The following COL10A1 variants were observed in gnomAD, a reference collection of about 807,000 sequenced individuals.
The protein encoded by COL10A1 is collagen alpha-1(X) chain.
In COL10A1, 10 loss-of-function variants were observed where a neutral mutation model predicts 18.2. That is an observed-to-expected ratio of 0.55 (90% confidence interval 0.34 to 0.93). COL10A1 has a LOEUF of 0.93. COL10A1 is among the 40% of genes least tolerant of loss of function. The probability of loss-of-function intolerance (pLI) is 0.02; values close to 1 mark genes in which losing one functional copy is unlikely to be tolerated. For missense variants in COL10A1, 897 were observed against 853.5 expected (o/e 1.05, Z -0.64); for synonymous variants, 330 against 316.6 (o/e 1.04, Z -0.45).
chr6:116,130,578 G>T (rs1779434532), upstream of COL10A1, among the ~76,000 whole-genome samples: 1 of 152,094 alleles, frequency 6.6e-6, no homozygotes, highest in Non-Finnish European at 1.5e-5. Context: ...GTGCCTGGAT[G>T]TCTGGGTCCT....
chr6:116,165,857 T>C, the COL10A1 span, among the ~76,000 whole-genome samples: 1 of 152,192 alleles, frequency 6.6e-6, no homozygotes, highest in African/African-American at 2.4e-5. Flanking sequence ...AGGGTACTGG[T>C]GATTGCAACA....
upstream of COL10A1, among the ~76,000 whole-genome samples, chr6:116,131,047 T>C (rs1475614546): frequency 6.6e-6 from 1 of 152,202 alleles, no homozygotes; most frequent in East Asian, 1.9e-4. Context: ...TTATGAATGC[T>C]CTTTTTAAAT....
chr6:116,169,857 G>A, the COL10A1 span, among the ~76,000 whole-genome samples: 2 of 152,182 alleles, frequency 1.3e-5, no homozygotes, highest in Non-Finnish European at 2.9e-5. Flanking sequence ...CTCAGATTGA[G>A]CAAGTGATAA....
intron 1 of COL10A1, among the ~76,000 whole-genome samples, chr6:116,139,971 G>GACAC (rs1779723661): frequency 6.6e-6 from 1 of 152,060 alleles, no homozygotes; most frequent in Non-Finnish European, 1.5e-5. Context: ...CCATGTGTCA[G>GACAC]GTGTTTTGCT....
the COL10A1 span, among the ~76,000 whole-genome samples, chr6:116,171,418 C>G: frequency 6.6e-6 from 1 of 151,962 alleles, no homozygotes; most frequent in East Asian, 1.9e-4. Flanking sequence ...TTGGAATATA[C>G]TTTATAAAAA....
chr6:116,184,638 A>G, the COL10A1 span, among the ~76,000 whole-genome samples: 1 of 152,006 alleles, frequency 6.6e-6, no homozygotes, highest in African/African-American at 2.4e-5. Context: ...CCAGGAATTT[A>G]TCCATCTCCT....
chr6:116,214,249 G>GA, the COL10A1 span, among the ~76,000 whole-genome samples: 1 of 151,930 alleles, frequency 6.6e-6, no homozygotes, highest in Non-Finnish European at 1.5e-5. Context: ...ATAGTACACT[G>GA]AAAAAACATA....
At position 116,120,936 on chromosome 6, in the gene COL10A1, G is replaced by C; in HGVS notation, c.1180C>G (p.Pro394Ala). The change falls in exon 3 of 3, where the codon CCA becomes GCA. Residue 394 changes from proline (P) to alanine (A), a missense_variant. Pro to Ala is a conservative substitution (Grantham distance 27). Coordinates refer to ENST00000651968, the MANE Select transcript of COL10A1 (RefSeq NM_000493.4). ...SDGKPGYPGK[P>A]GLDGPKGNPG... is the part of the protein sequence containing the mutation. ...TTACCCTTAGGACCATCGAGACCTG[G>C]TTTTCCTGGGTACCCTGGTTTTCCA... is the stretch of plus-strand genomic sequence containing the variant. The C allele has an allele frequency of 1.2e-6, 2 of 1,613,916 alleles. No individual in the cohort carries two copies. Among genetic ancestry groups the C allele is most frequent in the Non-Finnish European group, 1.7e-6 (2 of 1,179,904 alleles).
In COL10A1 at chr6:116,121,242, G is replaced by T. The variant is rs1450536947; in HGVS notation, c.874C>A (p.Pro292Thr). The change falls in exon 3 of 3, where the codon CCC becomes ACC. Residue 292 changes from proline to threonine, a missense_variant. Pro to Thr is a conservative substitution (Grantham distance 38). Transcript: ENST00000651968. The part of the protein sequence containing the change: ...GLPGAPGIAG[P>T]PGPPGFGKPG... ...TTCCCAAAGCCAGGAGGCCCTGGGG[G>T]CCCAGCTATTCCTGGAGCCCCAGGG... 6.2e-7 allele frequency: 1 copy of T among 1,613,754 alleles called. No homozygotes were observed. Among genetic ancestry groups the T allele is most frequent in the African/African-American group, 1.3e-5 (1 of 75,008 alleles).
chr6:116,138,462 T>C (rs1483789278), intron 1 of COL10A1, among the ~76,000 whole-genome samples: 4 of 152,194 alleles, frequency 2.6e-5, no homozygotes, highest in Non-Finnish European at 5.9e-5. Context: ...GAACACTGTT[T>C]TTAATTCTTT....
At chr6:116,136,544 A>C (rs1005466815) in intron 1 of COL10A1, among the ~76,000 whole-genome samples, 9 of 152,170 alleles carry the variant, frequency 5.9e-5, no homozygotes, top group Non-Finnish European at 1.2e-4. Flanking sequence ...TAGGCGGCAG[A>C]ACTGGGGTTT....
intron 1 of COL10A1, among the ~76,000 whole-genome samples, chr6:116,143,340 A>G (rs946034904): frequency 4.6e-5 from 7 of 152,104 alleles, no homozygotes; most frequent in Non-Finnish European, 8.8e-5. Flanking sequence ...CCTCTCAAGT[A>G]GCTGGGATTA....
chr6:116,165,573 G>A, the COL10A1 span, among the ~76,000 whole-genome samples: 2 of 152,028 alleles, frequency 1.3e-5, no homozygotes, highest in African/African-American at 4.8e-5. Context: ...GGGTTAATTC[G>A]AAAAATGCCT....
At chr6:116,156,503 T>A (rs551969429) in intron 1 of COL10A1, among the ~76,000 whole-genome samples, 5 of 152,316 alleles carry the variant, frequency 3.3e-5, no homozygotes, top group African/African-American at 1.2e-4. Context: ...TAAAAAGGAA[T>A]GCGTCTTAAG....
chr6:116,153,442 GTCTC>G (rs1051221965), intron 1 of COL10A1, among the ~76,000 whole-genome samples: 4 of 152,054 alleles, frequency 2.6e-5, no homozygotes, highest in South Asian at 2.1e-4. Context: ...GTTTTATAGA[GTCTC>G]TATTCCACTG....
chr6:116,169,503 A>C, the COL10A1 span, among the ~76,000 whole-genome samples: 1 of 152,248 alleles, frequency 6.6e-6, no homozygotes, highest in Non-Finnish European at 1.5e-5. Context: ...ATGAAAGACT[A>C]TATGGTAGGA....
intron 1 of COL10A1, among the ~76,000 whole-genome samples, chr6:116,146,340 G>T (rs1176359372): frequency 2.0e-5 from 3 of 152,166 alleles, no homozygotes; most frequent in South Asian, 2.1e-4. Context: ...TTTTTAGACA[G>T]CTTGCTAAAT....
the COL10A1 span, among the ~76,000 whole-genome samples, chr6:116,202,661 T>C: frequency 1.3e-5 from 2 of 151,994 alleles, no homozygotes; most frequent in African/African-American, 4.8e-5. Flanking sequence ...ATGATGTTTG[T>C]TAGGTTAAGA....
chr6:116,158,589 T>A (rs1193103186), intron 1 of COL10A1: 1 of 152,198 alleles, frequency 6.6e-6, no homozygotes, highest in Admixed American at 6.5e-5. Flanking sequence ...ATAAACCTAT[T>A]GTCACACGTT....
Sources: gnomAD v4.1 joint callset for allele counts (sites outside exome capture counted in the v4.1 genomes callset) on GRCh38, gnomAD v4.1.1 for gene constraint, MANE v1.5 for transcripts, NCBI Gene and HGNC (gene_info 2026-07-23, HGNC 2026-07-21) for gene names.